CNTN1: variants seen among roughly 807,000 people sequenced by gnomAD.
CNTN1 encodes contactin 1.
In CNTN1, 38 loss-of-function variants were observed where a neutral mutation model predicts 126.4. The ratio of observed to expected loss-of-function variants is 0.30; its 90% CI spans 0.23 to 0.39. The LOEUF is 0.39. Among genes scored for constraint, CNTN1 ranks in the 10% least tolerant of loss-of-function variants. The pLI is 1.00. For missense variants in CNTN1, 1,009 were observed against 1,248.4 expected (o/e 0.81, Z 2.89); for synonymous variants, 413 against 422.6 (o/e 0.98, Z 0.28).
intron 23 of CNTN1, among the ~76,000 whole-genome samples, chr12:41,030,358 A>G (rs780477767): frequency 6.6e-5 from 10 of 152,094 alleles, no homozygotes; most frequent in Non-Finnish European, 1.5e-4. Flanking sequence ...CACAATACAT[A>G]TATACATCCT....
At chr12:40,772,311 ATCACGC>A (rs1288549522) in intron 1 of CNTN1, among the ~76,000 whole-genome samples, 6 of 152,036 alleles carry the variant, frequency 3.9e-5, no homozygotes, top group Non-Finnish European at 7.4e-5. Flanking sequence ...GGCTGAAGCA[ATCACGC>A]TCATTTGTTT....
intron 1 of CNTN1, among the ~76,000 whole-genome samples, chr12:40,790,859 A>G (rs1047267029): frequency 6.6e-6 from 1 of 152,112 alleles, no homozygotes; most frequent in African/African-American, 2.4e-5. Flanking sequence ...CCTAATTCAC[A>G]TCAATGACCT....
intron 1 of CNTN1, among the ~76,000 whole-genome samples, chr12:40,821,852 A>G (rs1255510525): frequency 6.6e-6 from 1 of 152,096 alleles, no homozygotes; most frequent in Non-Finnish European, 1.5e-5. Context: ...AGGGAAATAG[A>G]AACTGAAGAA....
At chr12:40,798,035 T>C (rs1020866020) in intron 1 of CNTN1, among the ~76,000 whole-genome samples, 2 of 151,948 alleles carry the variant, frequency 1.3e-5, no homozygotes. Flanking sequence ...GAAAAGAAAT[T>C]TGGACTGGAG....
rs549053787 is a variant in CNTN1, at chr12:40,831,546, T to G, written c.-76-76811T>G. On this transcript the variant is annotated intron_variant, in intron 1 of 23. Transcript: ENST00000551295. The stretch of plus-strand genomic sequence containing the variant: ...TGATTAAATTGGTTCCCCCTCAAAA[T>G]GTTTTCCCTGAGTAATTAACATATG... 7.2e-5 allele frequency among the ~76,000 whole-genome samples: 11 copies of G among 152,294 alleles called. No homozygotes were observed. The South Asian group carries it at 2.1e-3, about 29-fold the overall frequency.
intron 1 of CNTN1, among the ~76,000 whole-genome samples, chr12:40,843,613 G>A (rs1465311711): frequency 6.6e-6 from 1 of 152,086 alleles, no homozygotes; most frequent in Non-Finnish European, 1.5e-5. Context: ...ACTACAATTA[G>A]GCAGTTGTGA....
At chr12:40,938,801 G>T (rs1156967860) in intron 11 of CNTN1, among the ~76,000 whole-genome samples, 1 of 152,182 alleles carries the variant, frequency 6.6e-6, no homozygotes, top group Middle Eastern at 3.4e-3. Context: ...TTGAGACAGG[G>T]TCTCACGGTG....
Position 40,784,605 on chromosome 12 carries a change from G to C in CNTN1, c.-77+92013G>C, listed in dbSNP as rs1346985964. 1.5e-3 allele frequency among the ~76,000 whole-genome samples: 227 copies of C among 152,130 alleles called. 1 individual carries two copies. The highest frequency in any genetic ancestry group is 5.4e-4 in the Non-Finnish European group (37 of 68,012). ...TGAAGTGAAAGCAGGGACCCTGAGA[G>C]GCAAGCAAGTGCCAAGCTTGGAATG... On this transcript the variant is annotated intron_variant, in intron 1 of 23. Transcript: ENST00000551295.
At chr12:40,857,053 G>A (rs1369325063) in intron 1 of CNTN1, among the ~76,000 whole-genome samples, 1 of 152,000 alleles carries the variant, frequency 6.6e-6, no homozygotes, top group Non-Finnish European at 1.5e-5. Context: ...AGATGTCAAC[G>A]TATAATATGC....
chr12:41,053,974 CA>C (rs1373959253), intron 23 of CNTN1, among the ~76,000 whole-genome samples: 1 of 151,682 alleles, frequency 6.6e-6, no homozygotes, highest in East Asian at 1.9e-4. Context: ...ACTTGTAAAA[CA>C]CTAATCAATA....
chr12:40,940,741 C>A (rs1946238790), intron 12 of CNTN1, among the ~76,000 whole-genome samples: 1 of 152,258 alleles, frequency 6.6e-6, no homozygotes, highest in South Asian at 2.1e-4. Flanking sequence ...AGGGGCTTCC[C>A]TGAACACACT....
chr12:40,991,425 G>A (rs1948092164), intron 16 of CNTN1, among the ~76,000 whole-genome samples: 1 of 151,846 alleles, frequency 6.6e-6, no homozygotes, highest in African/African-American at 2.4e-5. Context: ...AACATTTACA[G>A]GTTCTGGTAA....
intron 4 of CNTN1, among the ~76,000 whole-genome samples, chr12:40,920,627 C>T (rs1285681243): frequency 2.0e-5 from 3 of 152,102 alleles, no homozygotes; most frequent in African/African-American, 7.2e-5. Flanking sequence ...CCTTGGTAAT[C>T]ATCCAATTTT....
At chr12:41,064,732 C>T (rs1044502432) in intron 23 of CNTN1, among the ~76,000 whole-genome samples, 3 of 151,520 alleles carry the variant, frequency 2.0e-5, no homozygotes, top group African/African-American at 7.3e-5. Context: ...TGGATTTCCA[C>T]ATATAATTAC....
intron 1 of CNTN1, among the ~76,000 whole-genome samples, chr12:40,868,507 A>G (rs780693203): frequency 2.0e-5 from 3 of 152,128 alleles, no homozygotes; most frequent in Non-Finnish European, 4.4e-5. Context: ...ACAAAAGGGT[A>G]ATTAAGGATG....
At chr12:40,728,831 T>A (rs1942423977) in intron 1 of CNTN1, 1 of 152,222 alleles carries the variant, frequency 6.6e-6, no homozygotes, top group African/African-American at 2.4e-5. Flanking sequence ...AGGAGACAGG[T>A]GGCTGGAGTC....
intron 1 of CNTN1, among the ~76,000 whole-genome samples, chr12:40,804,245 T>C (rs1209852736): frequency 6.6e-6 from 1 of 151,972 alleles, no homozygotes. Flanking sequence ...ACAGTAATAA[T>C]ATTGAAGTAG....
intron 1 of CNTN1, among the ~76,000 whole-genome samples, chr12:40,710,655 A>G (rs1016899020): frequency 1.6e-4 from 24 of 152,182 alleles, no homozygotes; most frequent in African/African-American, 5.5e-4. Flanking sequence ...GAAATCTAAT[A>G]TCTGATCTAA....
At chr12:41,047,858 T>C (rs1473422761) in intron 23 of CNTN1, among the ~76,000 whole-genome samples, 2 of 152,080 alleles carry the variant, frequency 1.3e-5, no homozygotes, top group Non-Finnish European at 2.9e-5. Context: ...TCAAACATCC[T>C]ATCCTCTGCC....
Sources: allele counts gnomAD v4.1 joint callset (sites outside exome capture counted in the v4.1 genomes callset), GRCh38; gene constraint gnomAD v4.1.1; transcripts MANE v1.5; gene names NCBI Gene and HGNC (gene_info 2026-07-23, HGNC 2026-07-21).